C2CD3: variants seen among roughly 807,000 people sequenced by gnomAD.
The protein encoded by C2CD3 is C2 domain containing 3 centriole elongation regulator.
In C2CD3, 148 loss-of-function variants were observed where a neutral mutation model predicts 234.0. The observed-to-expected ratio is 0.63, with a 90% confidence interval of 0.55 to 0.72. The LOEUF (loss-of-function observed/expected upper bound fraction) is 0.72, where lower values mean the gene tolerates loss of function less well. Among genes scored for constraint, C2CD3 ranks in the 30% least tolerant of loss-of-function variants. The pLI is 0.00. For missense variants in C2CD3, 2,577 were observed against 2,811.5 expected (o/e 0.92, Z 1.89); for synonymous variants, 1,000 against 1,035.4 (o/e 0.97, Z 0.66).
chr11:74,037,354 A>T, intron 30 of C2CD3, 124 bp downstream of exon 30: 1 of 759,270 alleles, frequency 1.3e-6, no homozygotes, highest in Non-Finnish European at 2.2e-6. Flanking sequence ...AAAAAAAAGG[A>T]AGAGGGTGAA....
chr11:74,028,241 G>A (rs1565206890), intron 32 of C2CD3, 46 bp downstream of exon 32: 1 of 1,323,772 alleles, frequency 7.6e-7, no homozygotes, highest in Non-Finnish European at 1.0e-6. Flanking sequence ...TTCTGTGGAA[G>A]AGATGATGAC....
intron 19 of C2CD3, 106 bp from the exon 20 acceptor site, chr11:74,091,042 G>T: frequency 5.6e-6 from 6 of 1,075,706 alleles, no homozygotes; most frequent in Non-Finnish European, 8.1e-6. Flanking sequence ...ACACTACAAC[G>T]AACAATAAGG....
At chr11:74,117,060 GAATATATATATA>G (rs1957004955) in intron 9 of C2CD3, among the ~76,000 whole-genome samples, 1 of 27,132 alleles carries the variant, frequency 3.7e-5, no homozygotes, top group African/African-American at 1.8e-4. Context: ...ATATATATAT[GAATATATATATA>G]TGAATATATA....
intron 3 of C2CD3, among the ~76,000 whole-genome samples, chr11:74,159,356 C>T (rs1009228424): frequency 5.9e-5 from 9 of 152,068 alleles, no homozygotes; most frequent in Non-Finnish European, 1.3e-4. Flanking sequence ...GGCAGGTCCT[C>T]AGGAGGTATT....
intron 30 of C2CD3, among the ~76,000 whole-genome samples, chr11:74,035,192 T>C (rs1029734464): frequency 3.3e-5 from 5 of 152,310 alleles, no homozygotes; most frequent in Middle Eastern, 3.4e-3. Context: ...TGTTTAATAT[T>C]ATACACTGAT....
At chr11:74,073,457 C>A (rs1591392852) in intron 24 of C2CD3, among the ~76,000 whole-genome samples, 1 of 151,918 alleles carries the variant, frequency 6.6e-6, no homozygotes, top group Admixed American at 6.6e-5. Context: ...AGTGGTGGCA[C>A]AAGCCTGTAA....
chr11:74,100,962 T>C (rs1235743536), intron 14 of C2CD3, among the ~76,000 whole-genome samples: 2 of 152,182 alleles, frequency 1.3e-5, no homozygotes, highest in Non-Finnish European at 2.9e-5. Context: ...ATGTCAAACA[T>C]GGTGCCTGCC....
intron 24 of C2CD3, among the ~76,000 whole-genome samples, chr11:74,059,630 T>C (rs571848095): frequency 6.6e-6 from 1 of 152,230 alleles, no homozygotes; most frequent in South Asian, 2.1e-4. Flanking sequence ...CCTGTCCACA[T>C]GCAGTTTAAC....
rs1409355994 is a variant in C2CD3 at position 74,093,923 on chromosome 11, G to A, written c.3237C>T (p.His1079=). Reference sequence around the variant, plus strand: ...GAACCTCAGCTGGCAACAGGAGAGAGTGATGGTGTTCACTATTAAAGATGG... The same window carrying A: ...GAACCTCAGCTGGCAACAGGAGAGAATGATGGTGTTCACTATTAAAGATGG... ...PDPIFNSEHH[H]SLLLPAEVPV... is the part of the protein sequence containing the mutation. Residue 1079 remains histidine, a synonymous_variant, in exon 18 of 33, where the codon CAC becomes CAT. Transcript: ENST00000334126. 5 of 1,613,976 alleles carry A rather than the reference G, an allele frequency of 3.1e-6. No individual in the cohort carries two copies. The highest frequency in any genetic ancestry group is 4.2e-6 in the Non-Finnish European group (5 of 1,179,930).
At position 74,054,507 on chromosome 11, in the gene C2CD3, GAAAAAAAAAAAAAA is replaced by G. The variant is rs869085401; in HGVS notation, c.5155+86_5155+99del. On this transcript the variant is annotated intron_variant, in intron 26 of 32. Coordinates refer to ENST00000334126, the MANE Select transcript of C2CD3 (RefSeq NM_001286577.2). ...TGTCGGGAATGCTTCACTTGGTTTG[GAAAAAAAAAAAAAA>G]AAAAAAAAAAAGGAATGGTAGATTG... is the stretch of plus-strand genomic sequence containing the variant. 12 of 275,582 alleles carry G rather than the reference GAAAAAAAAAAAAAA, an allele frequency of 4.4e-5. 1 individual carries two copies. Among genetic ancestry groups the G allele is most frequent in the Non-Finnish European group, 5.9e-5 (9 of 151,430 alleles). The allele number at this position is 275,582 out of a possible 1,614,324, so 17.1% of individuals were successfully genotyped here. A position where few individuals can be genotyped will look rare whatever the true frequency, so the allele number is the denominator to read the frequency against.
chr11:74,116,160 A>C (rs1956920470), intron 9 of C2CD3, among the ~76,000 whole-genome samples: 1 of 152,238 alleles, frequency 6.6e-6, no homozygotes, highest in African/African-American at 2.4e-5. Context: ...TGCACAGCAA[A>C]AGAAACAGTC....
At chr11:74,114,633 A>T in intron 9 of C2CD3, 40 bp from the exon 10 acceptor site, 8 of 1,247,036 alleles carry the variant, frequency 6.4e-6, no homozygotes, top group Non-Finnish European at 9.5e-6. Flanking sequence ...ATACTGCTAC[A>T]GGCTTCACAT....
chr11:74,068,110 A>G (rs2135453342), intron 24 of C2CD3, among the ~76,000 whole-genome samples: 1 of 152,298 alleles, frequency 6.6e-6, no homozygotes, highest in Non-Finnish European at 1.5e-5. Context: ...AGTTTAGCCT[A>G]GAGCTCACTC....
chr11:74,060,264 G>C (rs1954169991), intron 24 of C2CD3, among the ~76,000 whole-genome samples: 1 of 152,234 alleles, frequency 6.6e-6, no homozygotes, highest in Non-Finnish European at 1.5e-5. Flanking sequence ...GCTTTGAAGA[G>C]AGTAGTGGTT....
intron 7 of C2CD3, among the ~76,000 whole-genome samples, chr11:74,132,093 G>C (rs992639670): frequency 3.3e-5 from 5 of 152,186 alleles, no homozygotes; most frequent in Admixed American, 2.0e-4. Context: ...GCTCATGCTT[G>C]TAATCCCAGC....
intron 5 of C2CD3, among the ~76,000 whole-genome samples, chr11:74,137,061 T>C (rs773919918): frequency 7.9e-4 from 119 of 151,418 alleles, no homozygotes; most frequent in Non-Finnish European, 1.3e-3. Context: ...GAGATCTTGC[T>C]ATGTTGTCCA....
intron 24 of C2CD3, among the ~76,000 whole-genome samples, chr11:74,071,568 T>A (rs1036152145): frequency 6.6e-6 from 1 of 152,216 alleles, no homozygotes; most frequent in Non-Finnish European, 1.5e-5. Flanking sequence ...TGTGAAATGA[T>A]TATGTATTGT....
intron 2 of C2CD3, 52 bp from the exon 3 acceptor site, chr11:74,161,608 T>C (rs769495280): frequency 1.7e-5 from 23 of 1,366,816 alleles, no homozygotes; most frequent in South Asian, 1.4e-5. Context: ...TTTATTTTCT[T>C]TTTTAAGACG....
chr11:74,066,407 C>G (rs568420186), intron 24 of C2CD3, among the ~76,000 whole-genome samples: 168 of 150,862 alleles, frequency 1.1e-3, no homozygotes, highest in Non-Finnish European at 1.8e-3. Flanking sequence ...CACATGTACC[C>G]TAGAACTTAA....
Sources: allele counts gnomAD v4.1 joint callset (sites outside exome capture counted in the v4.1 genomes callset), GRCh38; gene constraint gnomAD v4.1.1; transcripts MANE v1.5; gene names NCBI Gene and HGNC (gene_info 2026-07-23, HGNC 2026-07-21).